Variants in ACAP2 observed in about 807,000 individuals in gnomAD.
The protein encoded by ACAP2 is ArfGAP with coiled-coil, ankyrin repeat and PH domains 2.
In ACAP2, 39 loss-of-function variants were observed where a neutral mutation model predicts 115.8. That is an observed-to-expected ratio of 0.34 (90% CI 0.26 to 0.44). ACAP2 has a LOEUF of 0.44. ACAP2 is among the 20% of genes least tolerant of loss of function. The pLI is 1.00. For missense variants in ACAP2, 662 were observed against 927.6 expected, an observed-to-expected ratio of 0.71 and a Z score of 3.72; for synonymous variants, 289 against 315.8, an observed-to-expected ratio of 0.92 and a Z score of 0.90.
At chr3:195,368,801 C>T (rs1196735793) in intron 4 of ACAP2, among the ~76,000 whole-genome samples, 9 of 152,074 alleles carry the variant, frequency 5.9e-5, no homozygotes, top group Non-Finnish European at 1.3e-4. Flanking sequence ...AAGAAGAAAT[C>T]GGCAGAGCAC....
intron 6 of ACAP2, among the ~76,000 whole-genome samples, chr3:195,341,240 G>C (rs1022113571): frequency 2.0e-5 from 3 of 151,580 alleles, no homozygotes; most frequent in African/African-American, 2.4e-5. Context: ...AATTAGACTG[G>C]AAGATCACCA....
At chr3:195,362,262 G>A (rs751423527) in intron 4 of ACAP2, among the ~76,000 whole-genome samples, 18 of 150,174 alleles carry the variant, frequency 1.2e-4, no homozygotes, top group Non-Finnish European at 2.1e-4. Flanking sequence ...GTTGCAGTGA[G>A]CCGAGATTGC....
intron 4 of ACAP2, among the ~76,000 whole-genome samples, chr3:195,378,515 C>CAAA (rs61041295): frequency 0.021 from 3,167 of 147,998 alleles, 110 homozygotes; most frequent in East Asian, 0.1. Flanking sequence ...AACAAACAAA[C>CAAA]AAAAAAAAAC....
At chr3:195,439,142 G>T (rs1292202280) in intron 1 of ACAP2, among the ~76,000 whole-genome samples, 1 of 147,378 alleles carries the variant, frequency 6.8e-6, no homozygotes, top group Non-Finnish European at 1.5e-5. Flanking sequence ...ATTGTTAAAG[G>T]ATAAAAATAA....
chr3:195,371,404 T>C (rs1190827163), intron 4 of ACAP2, among the ~76,000 whole-genome samples: 1 of 152,224 alleles, frequency 6.6e-6, no homozygotes, highest in Non-Finnish European at 1.5e-5. Context: ...TTGCATGTTA[T>C]GTATCCTGAA....
At chr3:195,305,571 G>GA (rs76257696) in intron 13 of ACAP2, among the ~76,000 whole-genome samples, 3,273 of 152,222 alleles carry the variant, frequency 0.022, 114 homozygotes, top group East Asian at 0.1. Flanking sequence ...GGAAAGAGAA[G>GA]AAACTCCAGA....
chr3:195,286,436 C>A (rs540447891), intron 21 of ACAP2, among the ~76,000 whole-genome samples: 1 of 152,300 alleles, frequency 6.6e-6, no homozygotes, highest in South Asian at 2.1e-4. Flanking sequence ...TGACATGTAG[C>A]ACTAGATTAA....
chr3:195,430,748 G>A (rs1178083639), intron 1 of ACAP2, among the ~76,000 whole-genome samples: 2 of 151,916 alleles, frequency 1.3e-5, no homozygotes, highest in Non-Finnish European at 2.9e-5. Flanking sequence ...GGGGAAACAA[G>A]GGGCTGGGGT....
chr3:195,402,409 G>A (rs1003256387), intron 1 of ACAP2, among the ~76,000 whole-genome samples: 2 of 151,822 alleles, frequency 1.3e-5, no homozygotes, highest in African/African-American at 4.8e-5. Context: ...AAAAATAAAA[G>A]AATAAAGAAC....
At chr3:195,302,781 T>C (rs1728149250) in intron 13 of ACAP2, among the ~76,000 whole-genome samples, 1 of 152,190 alleles carries the variant, frequency 6.6e-6, no homozygotes, top group Non-Finnish European at 1.5e-5. Context: ...AAAAGATGGC[T>C]GATTAACAAA....
intron 1 of ACAP2, among the ~76,000 whole-genome samples, chr3:195,417,253 A>C (rs779507683): frequency 6.6e-6 from 1 of 151,652 alleles, no homozygotes; most frequent in Non-Finnish European, 1.5e-5. Flanking sequence ...TCTCCAACCT[A>C]GATCTCTCTC....
intron 15 of ACAP2, among the ~76,000 whole-genome samples, 156 bp from the exon 16 acceptor site, chr3:195,297,437 G>A (rs955416719): frequency 1.3e-5 from 2 of 152,124 alleles, no homozygotes; most frequent in African/African-American, 2.4e-5. Context: ...AAAACAAAAT[G>A]AGACAAGAAC....
rs781152068 is a variant in ACAP2, at chr3:195,306,604, G to C, written c.1023C>G (p.Leu341=). ...GGCGCAGCTTTTCGGAATCTGCCTG[G>C]AGCATGCAACTTCTAAAAGGAAATA... ...EVVSPTKSCM[L]QADSEKLRQA... is the part of the protein sequence containing the mutation. The change falls in exon 13 of 23, where the codon CTC becomes CTG. Residue 341 remains leucine, a synonymous_variant. Coordinates refer to ENST00000326793, the MANE Select transcript of ACAP2 (RefSeq NM_012287.6). The C allele has an allele frequency of 1.2e-6, 2 of 1,611,602 alleles. No homozygotes were observed. Among genetic ancestry groups the C allele is most frequent in the Non-Finnish European group, 1.7e-6 (2 of 1,178,926 alleles).
intron 1 of ACAP2, among the ~76,000 whole-genome samples, chr3:195,422,237 T>C (rs1176259091): frequency 6.6e-6 from 1 of 152,214 alleles, no homozygotes; most frequent in Non-Finnish European, 1.5e-5. Context: ...AACTGATGTA[T>C]TTTAAAGCAA....
intron 1 of ACAP2, among the ~76,000 whole-genome samples, chr3:195,435,958 A>C (rs1715505611): frequency 1.3e-5 from 2 of 152,004 alleles, no homozygotes; most frequent in South Asian, 2.1e-4. Context: ...ATCTCAAACT[A>C]TGATTGCTGA....
intron 1 of ACAP2, among the ~76,000 whole-genome samples, chr3:195,409,614 G>C (rs1191255351): frequency 6.6e-6 from 1 of 151,970 alleles, no homozygotes; most frequent in Non-Finnish European, 1.5e-5. Context: ...AGTGGCTCAC[G>C]CCTGTAATCT....
At chr3:195,280,300 T>C (rs149458157) in intron 22 of ACAP2, among the ~76,000 whole-genome samples, 3,505 of 152,156 alleles carry the variant, frequency 0.023, 140 homozygotes, top group African/African-American at 0.079. Context: ...GATGAAACCC[T>C]GTCTCTACTA....
At chr3:195,344,607 A>G (rs1560267461) in intron 5 of ACAP2, among the ~76,000 whole-genome samples, 1 of 150,976 alleles carries the variant, frequency 6.6e-6, no homozygotes, top group Admixed American at 6.6e-5. Flanking sequence ...TGCAACCTCC[A>G]CCTCCCAGGT....
chr3:195,410,987 T>A (rs1713215049), intron 1 of ACAP2: 1 of 390,438 alleles, frequency 2.6e-6, no homozygotes, highest in Admixed American at 2.8e-5. Context: ...GGCATCTTTA[T>A]CTTGGACTTC....
Sources: gnomAD v4.1 joint callset for allele counts (sites outside exome capture counted in the v4.1 genomes callset) on GRCh38, gnomAD v4.1.1 for gene constraint, MANE v1.5 for transcripts, NCBI Gene and HGNC (gene_info 2026-07-23, HGNC 2026-07-21) for gene names.